Variants in TNFRSF13B observed in about 807,000 individuals in gnomAD.
TNFRSF13B encodes the protein TNF receptor superfamily member 13B.
TNFRSF13B carries 34 observed loss-of-function variants against 24.0 expected under a neutral mutation model. That is an observed-to-expected ratio of 1.41 (90% CI 1.08 to 1.88). TNFRSF13B has a LOEUF of 1.88. Among genes scored for constraint, TNFRSF13B ranks in the 40% most tolerant of loss-of-function variants. The probability of loss-of-function intolerance (pLI) is 0.00; values close to 1 mark genes in which losing one functional copy is unlikely to be tolerated. For missense variants in TNFRSF13B, 415 were observed against 380.8 expected, an observed-to-expected ratio of 1.09 and a Z score of -0.75; for synonymous variants, 173 against 150.3, an observed-to-expected ratio of 1.15 and a Z score of -1.10.
At chr17:16,956,769 CTACTG>C (rs1425639015) in intron 1 of TNFRSF13B, among the ~76,000 whole-genome samples, 1 of 152,198 alleles carries the variant, frequency 6.6e-6, no homozygotes, top group Non-Finnish European at 1.5e-5. Flanking sequence ...GCTAAAAAGT[CTACTG>C]TATGATTTCA....
At chr17:16,948,239 A>G (rs908673575) in intron 3 of TNFRSF13B, among the ~76,000 whole-genome samples, 13 of 152,198 alleles carry the variant, frequency 8.5e-5, no homozygotes, top group African/African-American at 3.1e-4. Context: ...ATTGGGTGCT[A>G]TGCTCACCAC....
chr17:16,956,508 A>G (rs767123361), intron 1 of TNFRSF13B, among the ~76,000 whole-genome samples: 13 of 152,270 alleles, frequency 8.5e-5, no homozygotes, highest in Non-Finnish European at 1.9e-4. Flanking sequence ...GCTTAAGGAA[A>G]CCGACAGAGA....
At position 16,952,466 on chromosome 17, in the gene TNFRSF13B, C is replaced by T. The variant is rs373134429; in HGVS notation, c.179G>A (p.Arg60His). 2.5e-5 allele frequency: 41 copies of T among 1,614,030 alleles called. No homozygotes were observed. Among genetic ancestry groups the T allele is most frequent in the African/African-American group, 1.3e-4 (10 of 74,928 alleles). ...CKTICNHQSQRTCAAFCRSLS... is the reference protein window; with the variant it reads ...CKTICNHQSQHTCAAFCRSLS... ...CTCACTGCAGAAGGCTGCACAGGTG[C>T]GCTGGCTCTGATGGTTGCAAATGGT... is the stretch of plus-strand genomic sequence containing the variant. The change falls in exon 2 of 5, where the codon CGC (arginine) becomes CAC (histidine). Residue 60 changes from arginine to histidine, a missense_variant. Physicochemically the swap from Arg to His is conservative, Grantham distance 29. Transcript: ENST00000261652.
In TNFRSF13B at chr17:16,939,708, T is replaced by A. The variant is rs2087493543; in HGVS notation, c.721A>T (p.Thr241Ser). ...CCAGGCGTGACTGCGCTCTCCTGCG[T>A]GGGCGCCCTGCACTCAGGGAAGCAG... is the stretch of plus-strand genomic sequence containing the variant. ...SFCFPECRAP[T>S]QESAVTPGTP... The change falls in exon 5 of 5, where the codon ACG becomes TCG. Residue 241 changes from threonine to serine, a missense_variant. Physicochemically the swap from Thr to Ser is moderately conservative, Grantham distance 58. Transcript: ENST00000261652. 1 of 1,606,998 alleles carries A rather than the reference T, an allele frequency of 6.2e-7. No homozygotes were observed. Among genetic ancestry groups the A allele is most frequent in the Non-Finnish European group, 8.5e-7 (1 of 1,175,106 alleles).
chr17:16,944,665 C>T (rs2087535181), intron 3 of TNFRSF13B, among the ~76,000 whole-genome samples: 1 of 152,200 alleles, frequency 6.6e-6, no homozygotes, highest in African/African-American at 2.4e-5. Flanking sequence ...AGACAGTGAG[C>T]TCCATGGGTC....
At position 16,939,241 on chromosome 17, in the gene TNFRSF13B, C is replaced by G. The variant is rs1453478621; in HGVS notation, c.*306G>C. 9.2e-6 allele frequency: 3 copies of G among 326,688 alleles called. No individual in the cohort carries two copies. The highest frequency in any genetic ancestry group is 1.7e-5 in the Non-Finnish European group (3 of 177,264). 20.2% of individuals were successfully genotyped at this position (326,688 alleles called of 1,614,324 possible). ...ACTCAGAGTGCCCCGACCTCCTGCTCTATCTCTCTCTGTCCCTCTCTCCCT... is the reference window on the plus strand; with the variant it reads ...ACTCAGAGTGCCCCGACCTCCTGCTGTATCTCTCTCTGTCCCTCTCTCCCT... On this transcript the variant is annotated 3_prime_UTR_variant, in exon 5 of 5. Coordinates refer to ENST00000261652, the MANE Select transcript of TNFRSF13B (RefSeq NM_012452.3).
chr17:16,943,920 C>T (rs566132928), intron 3 of TNFRSF13B, among the ~76,000 whole-genome samples: 6 of 152,344 alleles, frequency 3.9e-5, no homozygotes, highest in Admixed American at 1.3e-4. Flanking sequence ...GGAAGCTCCT[C>T]GCGTCGGCCT....
chr17:16,943,205 A>G (rs2087524069), intron 3 of TNFRSF13B, among the ~76,000 whole-genome samples: 1 of 152,186 alleles, frequency 6.6e-6, no homozygotes, highest in South Asian at 2.1e-4. Flanking sequence ...CAACATGAAG[A>G]TGAGGATCTG....
At chr17:16,958,181 A>G (rs2087637559) in intron 1 of TNFRSF13B, among the ~76,000 whole-genome samples, 1 of 152,152 alleles carries the variant, frequency 6.6e-6, no homozygotes, top group Non-Finnish European at 1.5e-5. Context: ...CTAGGACGTC[A>G]TAAGTTTAAG....
chr17:16,971,973 C>T, intron 1 of TNFRSF13B, 42 bp downstream of exon 1: 1 of 1,610,040 alleles, frequency 6.2e-7, no homozygotes, highest in Non-Finnish European at 8.5e-7. Context: ...ACCCTCCTCA[C>T]ACCTCCCACC....
intron 3 of TNFRSF13B, chr17:16,940,977 A>G (rs1555548611): frequency 9.6e-7 from 1 of 1,042,486 alleles, no homozygotes; most frequent in Non-Finnish European, 1.2e-6. Flanking sequence ...AAATCCGCGG[A>G]TGTCCAAGTG....
chr17:16,966,832 C>CTTTTTTT lies in TNFRSF13B; in HGVS notation c.61+5182_61+5183insAAAAAAA, dbSNP rs796602708. On this transcript the variant is annotated intron_variant, in intron 1 of 4. Coordinates refer to ENST00000261652, the MANE Select transcript of TNFRSF13B (RefSeq NM_012452.3). ...TTGGTTTTTTTTGTTTTTTCTTTTT[C>CTTTTTTT]TTTTTTCTTTTTTTTTTTTTTTTTG... is the stretch of plus-strand genomic sequence containing the variant. 8.3e-5 allele frequency among the ~76,000 whole-genome samples: 8 copies of CTTTTTTT among 95,844 alleles called. 1 individual carries two copies. Among genetic ancestry groups the CTTTTTTT allele is most frequent in the Admixed American group, 1.3e-4 (1 of 7,934 alleles). 62.9% of individuals were successfully genotyped at this position (95,844 alleles called of 152,430 possible).
intron 1 of TNFRSF13B, among the ~76,000 whole-genome samples, chr17:16,954,017 G>C (rs546779141): frequency 1.3e-5 from 2 of 152,158 alleles, no homozygotes; most frequent in Non-Finnish European, 2.9e-5. Context: ...CGCCCGAGTC[G>C]GCCTCCCAAA....
chr17:16,942,960 G>A (rs983976056), intron 3 of TNFRSF13B, among the ~76,000 whole-genome samples: 18 of 152,208 alleles, frequency 1.2e-4, no homozygotes, highest in Non-Finnish European at 2.5e-4. Flanking sequence ...GACAGCCTCG[G>A]TGTTTGCTCC....
chr17:16,966,863 G>A (rs1177720355), intron 1 of TNFRSF13B, among the ~76,000 whole-genome samples: 1 of 113,250 alleles, frequency 8.8e-6, no homozygotes, highest in Admixed American at 1.2e-4. Context: ...TTTTGAGATG[G>A]AGTCTCACTC....
chr17:16,944,554 C>A (rs1233308897), intron 3 of TNFRSF13B, among the ~76,000 whole-genome samples: 1 of 152,164 alleles, frequency 6.6e-6, no homozygotes, highest in Non-Finnish European at 1.5e-5. Context: ...CTCGGGGAAG[C>A]CTTCCTTGTC....
At chr17:16,957,950 T>C (rs886565101) in intron 1 of TNFRSF13B, among the ~76,000 whole-genome samples, 18 of 152,172 alleles carry the variant, frequency 1.2e-4, no homozygotes, top group African/African-American at 3.6e-4. Flanking sequence ...TAAGTAACTA[T>C]AAAAGCCAGA....
At chr17:16,951,907 TA>T (rs55857815) in intron 2 of TNFRSF13B, among the ~76,000 whole-genome samples, 5 of 150,834 alleles carry the variant, frequency 3.3e-5, no homozygotes, top group African/African-American at 9.8e-5. Flanking sequence ...AAAATAAAAA[TA>T]AAAAATAAAA....
Position 16,962,162 on chromosome 17 carries a change from A to G in TNFRSF13B, c.62-9579T>C, listed in dbSNP as rs185048384. ...CCAGAGCTGGAGATGAATTACCTGC[A>G]TGGAAAACAGAGGAGTTACCAACTC... On this transcript the variant is annotated intron_variant, in intron 1 of 4. Coordinates refer to ENST00000261652, the MANE Select transcript of TNFRSF13B (RefSeq NM_012452.3). Among the ~76,000 whole-genome samples the G allele has an allele frequency of 3.2e-3, 490 of 152,348 alleles. 2 individuals carry two copies. Among genetic ancestry groups the G allele is most frequent in the African/African-American group, 0.011 (463 of 41,580 alleles).
Sources: allele counts gnomAD v4.1 joint callset (sites outside exome capture counted in the v4.1 genomes callset), GRCh38; gene constraint gnomAD v4.1.1; transcripts MANE v1.5; gene names NCBI Gene and HGNC (gene_info 2026-07-23, HGNC 2026-07-21).